CNTNAP2: variants seen among roughly 807,000 people sequenced by gnomAD.
CNTNAP2 encodes the protein contactin-associated protein-like 2.
In CNTNAP2, 98 loss-of-function variants were observed where a neutral mutation model predicts 155.2. The observed-to-expected ratio is 0.63, with a 90% CI of 0.54 to 0.75. CNTNAP2 has a LOEUF of 0.75. CNTNAP2 is among the 30% of genes least tolerant of loss of function. The probability of loss-of-function intolerance (pLI) is 0.00; values close to 1 mark genes in which losing one functional copy is unlikely to be tolerated. For synonymous variants in CNTNAP2, 651 were observed against 631.2 expected (o/e 1.03, Z -0.47); for missense variants, 1,727 against 1,688.1 (o/e 1.02, Z -0.40).
intron 1 of CNTNAP2, among the ~76,000 whole-genome samples, chr7:146,175,135 G>A (rs1048403991): frequency 2.2e-4 from 33 of 152,282 alleles, no homozygotes; most frequent in African/African-American, 7.7e-4. Flanking sequence ...TGTTAAGGAA[G>A]AAATGGGTAG....
chr7:147,119,217 A>G (rs1217004811), intron 5 of CNTNAP2, among the ~76,000 whole-genome samples: 1 of 152,166 alleles, frequency 6.6e-6, no homozygotes, highest in Non-Finnish European at 1.5e-5. Flanking sequence ...TTTATCCCAA[A>G]TGAAACATGT....
At chr7:146,694,012 TA>T (rs1007504135) in intron 1 of CNTNAP2, among the ~76,000 whole-genome samples, 5 of 152,082 alleles carry the variant, frequency 3.3e-5, no homozygotes, top group East Asian at 1.9e-4. Flanking sequence ...AATTCCAGAT[TA>T]AAAAAAATCA....
chr7:147,037,549 C>A (rs1039838170), intron 3 of CNTNAP2, among the ~76,000 whole-genome samples: 1 of 150,984 alleles, frequency 6.6e-6, no homozygotes, highest in Non-Finnish European at 1.5e-5. Flanking sequence ...GCAACCTCCA[C>A]CTCCCAGGTT....
intron 8 of CNTNAP2, among the ~76,000 whole-genome samples, chr7:147,239,245 C>T (rs1254382484): frequency 1.3e-5 from 2 of 151,920 alleles, no homozygotes; most frequent in East Asian, 1.9e-4. Context: ...TGGTGGCTTA[C>T]GCCTATAATC....
Position 147,896,839 on chromosome 7 carries a change from G to A in CNTNAP2, c.2099-6726G>A, listed in dbSNP as rs115696253. On this transcript the variant is annotated intron_variant, in intron 13 of 23. Coordinates refer to ENST00000361727, the MANE Select transcript of CNTNAP2 (RefSeq NM_014141.6). Reference sequence around the variant, plus strand: ...CAGGCAAGAAGGAGGTCTGCTGTGGGAAAGGGCTATTATCATCCTTGTTTT... The same window carrying A: ...CAGGCAAGAAGGAGGTCTGCTGTGGAAAAGGGCTATTATCATCCTTGTTTT... Among the ~76,000 whole-genome samples, 1,115 of 152,320 alleles carry A rather than the reference G, an allele frequency of 7.3e-3. 16 individuals are homozygous for A. The highest frequency in any genetic ancestry group is 0.025 in the African/African-American group (1,058 of 41,566).
At chr7:147,344,592 T>C (rs1046197638) in intron 9 of CNTNAP2, among the ~76,000 whole-genome samples, 6 of 152,212 alleles carry the variant, frequency 3.9e-5, no homozygotes, top group Admixed American at 6.5e-5. Flanking sequence ...AGGGTCTTTA[T>C]ACATAGATGG....
rs550128198 is a variant in CNTNAP2 at position 146,958,242 on chromosome 7, A to G, written c.403-85665A>G. ...TGATATTTGATCTTCCTTGAGAAAT[A>G]CAAATAGAACCTATCCAGATGGAGG... On this transcript the variant is annotated intron_variant, in intron 3 of 23. Transcript: ENST00000361727. Among the ~76,000 whole-genome samples the G allele has an allele frequency of 3.3e-5, 5 of 152,264 alleles. No homozygotes were observed. In the East Asian group the frequency reaches 5.8e-4, roughly 18 times the overall value.
At chr7:146,344,696 C>T (rs1023784440) in intron 1 of CNTNAP2, among the ~76,000 whole-genome samples, 1 of 152,154 alleles carries the variant, frequency 6.6e-6, no homozygotes, top group South Asian at 2.1e-4. Context: ...GCAGGCTGGT[C>T]TAGAACTCCT....
chr7:146,322,946 T>C (rs1801031899), intron 1 of CNTNAP2, among the ~76,000 whole-genome samples: 1 of 152,052 alleles, frequency 6.6e-6, no homozygotes, highest in Non-Finnish European at 1.5e-5. Context: ...AGTCATTTTC[T>C]TACAAAATAT....
intron 1 of CNTNAP2, among the ~76,000 whole-genome samples, chr7:146,360,149 AT>A (rs1795061941): frequency 6.6e-6 from 1 of 152,082 alleles, no homozygotes. Context: ...TGAATTTTCT[AT>A]TTTCTTTCCA....
chr7:147,553,834 G>T (rs1799898579), intron 11 of CNTNAP2, among the ~76,000 whole-genome samples: 1 of 152,174 alleles, frequency 6.6e-6, no homozygotes, highest in Non-Finnish European at 1.5e-5. Flanking sequence ...AGCCAGGCAT[G>T]CTGGCGCGTG....
chr7:147,163,698 T>C (rs1496537), intron 8 of CNTNAP2, among the ~76,000 whole-genome samples: 70,492 of 151,746 alleles, frequency 0.46, 16,631 homozygotes, highest in East Asian at 0.64. Flanking sequence ...AGCTCACAAG[T>C]TAGGTGTGAA....
chr7:146,447,281 A>G (rs1796415808), intron 1 of CNTNAP2, among the ~76,000 whole-genome samples: 1 of 152,000 alleles, frequency 6.6e-6, no homozygotes, highest in Non-Finnish European at 1.5e-5. Flanking sequence ...GGTTTCAGTA[A>G]AAGAAAGGAG....
chr7:147,927,092 TAC>T (rs1800410126), intron 14 of CNTNAP2, among the ~76,000 whole-genome samples: 1 of 152,220 alleles, frequency 6.6e-6, no homozygotes, highest in Admixed American at 6.5e-5. Context: ...TTGCGTATAT[TAC>T]AGAGTAGAAG....
At chr7:146,649,804 A>G (rs1002659746) in intron 1 of CNTNAP2, among the ~76,000 whole-genome samples, 2 of 152,100 alleles carry the variant, frequency 1.3e-5, no homozygotes, top group Non-Finnish European at 1.5e-5. Flanking sequence ...GGATATTCCT[A>G]TTTATTTCCC....
chr7:146,946,072 C>CCCTTCCTT lies in CNTNAP2; in HGVS notation c.403-97818_403-97811dup, dbSNP rs10625736. Among the ~76,000 whole-genome samples the CCCTTCCTT allele has an allele frequency of 2.9e-3, 432 of 149,954 alleles. 4 individuals carry two copies. The highest frequency in any genetic ancestry group is 8.0e-3 in the African/African-American group (327 of 40,794). On this transcript the variant is annotated intron_variant, in intron 3 of 23. Coordinates refer to ENST00000361727, the MANE Select transcript of CNTNAP2 (RefSeq NM_014141.6). Reference sequence around the variant, plus strand: ...CTGAAAAGGAGACCCTTCCTTCCTTCCCTTCCTTCCTTCCTTCCTTCCTTT... The same window carrying CCCTTCCTT: ...CTGAAAAGGAGACCCTTCCTTCCTTCCCTTCCTTCCTTCCTTCCTTCCTTCCTTCCTTT...
At chr7:148,191,428 G>C (rs1308515195) in intron 18 of CNTNAP2, among the ~76,000 whole-genome samples, 1 of 152,166 alleles carries the variant, frequency 6.6e-6, no homozygotes, top group Admixed American at 6.5e-5. Flanking sequence ...ATATATTTCT[G>C]TTCATTATAC....
intron 13 of CNTNAP2, among the ~76,000 whole-genome samples, chr7:147,713,777 T>C (rs1796438964): frequency 6.6e-6 from 1 of 152,158 alleles, no homozygotes; most frequent in Admixed American, 6.6e-5. Flanking sequence ...ACAGATCCAG[T>C]TGCTCAGCAT....
intron 1 of CNTNAP2, among the ~76,000 whole-genome samples, chr7:146,634,134 A>G (rs995566776): frequency 1.3e-5 from 2 of 152,190 alleles, no homozygotes; most frequent in Non-Finnish European, 2.9e-5. Context: ...ACACACTGGT[A>G]CACATTTGCC....
Sources: allele counts gnomAD v4.1 joint callset (sites outside exome capture counted in the v4.1 genomes callset), GRCh38; gene constraint gnomAD v4.1.1; transcripts MANE v1.5; gene names NCBI Gene and HGNC (gene_info 2026-07-23, HGNC 2026-07-21).